The following CALHM5 variants were observed in gnomAD, a reference collection of about 807,000 sequenced individuals.
CALHM5 encodes the protein calcium homeostasis modulator protein 5.
A neutral mutation model predicts 20.9 loss-of-function variants in CALHM5; 17 were observed. That is an observed-to-expected ratio of 0.82 (90% confidence interval 0.56 to 1.22). CALHM5 has a LOEUF of 1.22. Ranked by LOEUF, CALHM5 falls within the 50% of genes most tolerant of loss-of-function variation. CALHM5 has a pLI of 0.00. For missense variants in CALHM5, 360 were observed against 364.6 expected (o/e 0.99, Z 0.10); for synonymous variants, 148 against 140.0 (o/e 1.06, Z -0.40).
At position 116,521,830 on chromosome 6, in the gene CALHM5, C is replaced by G. The variant is rs1452786432; in HGVS notation, c.*5841C>G. On this transcript the variant is annotated 3_prime_UTR_variant, in exon 2 of 2. Transcript: ENST00000368599. The stretch of plus-strand genomic sequence containing the variant: ...TAGTCGTGTTATCCTCACTTTGAAT[C>G]TGACCTTATGAACCAATAAAATATG... 6.6e-6 allele frequency: 1 copy of G among 152,202 alleles called. No homozygotes were observed. The highest frequency in any genetic ancestry group is 1.5e-5 in the Non-Finnish European group (1 of 68,050). 9.4% of individuals were successfully genotyped at this position (152,202 alleles called of 1,614,324 possible). A position where few individuals can be genotyped will look rare whatever the true frequency, so the allele number is the denominator to read the frequency against.
rs1693610242 is a variant in CALHM5 at position 116,523,353 on chromosome 6, G to A, written c.*7364G>A. On this transcript the variant is annotated 3_prime_UTR_variant, in exon 2 of 2. Coordinates refer to ENST00000368599, the MANE Select transcript of CALHM5 (RefSeq NM_153711.5). ...TTTCTTGTAAACTCTATTTGTAGGT[G>A]TTTTCTTTGTTCCTGTTGTAAATGG... 1.3e-5 allele frequency: 2 copies of A among 152,094 alleles called. No homozygotes were observed. Among genetic ancestry groups the A allele is most frequent in the African/African-American group, 4.8e-5 (2 of 41,418 alleles). The allele number at this position is 152,094 out of a possible 1,614,324, so 9.4% of individuals were successfully genotyped here.
At position 116,515,546 on chromosome 6, in the gene CALHM5, C is replaced by T. The variant is rs945016803; in HGVS notation, c.541-54C>T. 3 of 1,524,558 alleles carry T rather than the reference C, an allele frequency of 2.0e-6. No homozygotes were observed. In the African/African-American group the frequency reaches 4.2e-5, roughly 21 times the overall value. 94.4% of individuals were successfully genotyped at this position (1,524,558 alleles called of 1,614,324 possible). Reference sequence around the variant, plus strand: ...TATACACTTCTCAATAATACCCCAGCTCCCTAAATGGCTTTGCTTTCACGT... The same window carrying T: ...TATACACTTCTCAATAATACCCCAGTTCCCTAAATGGCTTTGCTTTCACGT... On this transcript the variant is annotated intron_variant, in intron 1 of 1. Transcript: ENST00000368599.
At position 116,522,765 on chromosome 6, in the gene CALHM5, A is replaced by G. The variant is rs1772368861; in HGVS notation, c.*6776A>G. 1 of 152,192 alleles carries G rather than the reference A, an allele frequency of 6.6e-6. No homozygotes were observed. Among genetic ancestry groups the G allele is most frequent in the African/African-American group, 2.4e-5 (1 of 41,444 alleles). The allele number at this position is 152,192 out of a possible 1,614,324, so 9.4% of individuals were successfully genotyped here. A position where few individuals can be genotyped will look rare whatever the true frequency, so the allele number is the denominator to read the frequency against. ...TAAGCTGGAAAGAGATTGTTCTTCT[A>G]GTCGTCTCTCAAAATGTTATCTTCA... On this transcript the variant is annotated 3_prime_UTR_variant, in exon 2 of 2. Transcript: ENST00000368599.
In CALHM5 at chr6:116,521,999, TAGCCAG is replaced by T. The variant is rs1772352517; in HGVS notation, c.*6011_*6016del. The T allele has an allele frequency of 6.6e-6, 1 of 151,668 alleles. No homozygotes were observed. The highest frequency in any genetic ancestry group is 2.4e-5 in the African/African-American group (1 of 41,244). 9.4% of individuals were successfully genotyped at this position (151,668 alleles called of 1,614,324 possible). A position where few individuals can be genotyped will look rare whatever the true frequency, so the allele number is the denominator to read the frequency against. On this transcript the variant is annotated 3_prime_UTR_variant, in exon 2 of 2. Transcript: ENST00000368599. Reference sequence around the variant, plus strand: ...TACCAAGCTCTGAAGAGGCCCAAGCTAGCCAGTGGGAGGAGAGAGAGAGAGATAAAA... The same window carrying T: ...TACCAAGCTCTGAAGAGGCCCAAGCTTGGGAGGAGAGAGAGAGAGATAAAA...
rs1772374328 is a variant in CALHM5, at chr6:116,523,024, G to A, written c.*7035G>A. On this transcript the variant is annotated 3_prime_UTR_variant, in exon 2 of 2. Transcript: ENST00000368599. ...CACCCCCAGGGTGTCTGATTCAGTA[G>A]GTCTGGGGTGAGGCAAGATAATCTG... is the stretch of plus-strand genomic sequence containing the variant. 8.1e-6 allele frequency: 1 copy of A among 123,992 alleles called. No individual in the cohort carries two copies. The highest frequency in any genetic ancestry group is 3.0e-5 in the African/African-American group (1 of 33,724). 7.7% of individuals were successfully genotyped at this position (123,992 alleles called of 1,614,324 possible).
In CALHM5 at chr6:116,511,681, T is replaced by G. The variant is rs1364795237; in HGVS notation, c.-16T>G. ...AATAACAAAGGCACAGCATTTTCCC[T>G]CTGTGCATCTCCAACATGGATGCTT... On this transcript the variant is annotated 5_prime_UTR_variant, in exon 1 of 2. Coordinates refer to ENST00000368599, the MANE Select transcript of CALHM5 (RefSeq NM_153711.5). 2 of 1,608,444 alleles carry G rather than the reference T, an allele frequency of 1.2e-6. No homozygotes were observed. The highest frequency in any genetic ancestry group is 3.4e-5 in the Admixed American group (2 of 59,288).
At position 116,523,736 on chromosome 6, in the gene CALHM5, C is replaced by T. The variant is rs927955292; in HGVS notation, c.*7747C>T. On this transcript the variant is annotated 3_prime_UTR_variant, in exon 2 of 2. Coordinates refer to ENST00000368599, the MANE Select transcript of CALHM5 (RefSeq NM_153711.5). ...TGTTTCCTAAGAAGCTAAACCTAAT[C>T]AAGTATTTAGACATTACTGCTAGTT... The T allele has an allele frequency of 6.6e-6, 1 of 152,104 alleles. No homozygotes were observed. The highest frequency in any genetic ancestry group is 6.5e-5 in the Admixed American group (1 of 15,270). The allele number at this position is 152,104 out of a possible 1,614,324, so 9.4% of individuals were successfully genotyped here.
rs1185515633 is a variant in CALHM5 at position 116,522,336 on chromosome 6, G to A, written c.*6347G>A. The A allele has an allele frequency of 1.3e-5, 2 of 152,228 alleles. No homozygotes were observed. Among genetic ancestry groups the A allele is most frequent in the Non-Finnish European group, 2.9e-5 (2 of 68,038 alleles). The allele number at this position is 152,228 out of a possible 1,614,324, so 9.4% of individuals were successfully genotyped here. A position where few individuals can be genotyped will look rare whatever the true frequency, so the allele number is the denominator to read the frequency against. On this transcript the variant is annotated 3_prime_UTR_variant, in exon 2 of 2. Coordinates refer to ENST00000368599, the MANE Select transcript of CALHM5 (RefSeq NM_153711.5). ...AAATCATGAGCTTAAATAAATGTTT[G>A]TGGCTTTAAGCCACTGAATTTTGGG...
intron 1 of CALHM5, 173 bp downstream of exon 1, chr6:116,512,409 G>A (rs900418239): frequency 6.9e-6 from 5 of 724,066 alleles, no homozygotes; most frequent in African/African-American, 5.3e-5. Flanking sequence ...AAGGCTGGGT[G>A]GCTCAATAAA....
chr6:116,515,179 A>G (rs901064314), intron 1 of CALHM5, among the ~76,000 whole-genome samples: 8 of 152,162 alleles, frequency 5.3e-5, no homozygotes, highest in Non-Finnish European at 7.4e-5. Flanking sequence ...CTAGCCATGT[A>G]TATACATTTA....
chr6:116,512,212 A>G lies in CALHM5; in HGVS notation c.516A>G (p.Lys172=). The G allele has an allele frequency of 2.5e-6, 4 of 1,596,970 alleles. No individual in the cohort carries two copies. The South Asian group carries it at 3.3e-5, about 13-fold the overall frequency. ...SMLPTVNEEL[K]LSLQAQSQIL... ...TACCTACCGTCAATGAAGAACTGAA[A>G]CTCTCCCTTCAGGCCCAGTCTCAGG... The change falls in exon 1 of 2, where the codon AAA becomes AAG. Residue 172 remains lysine (K), a synonymous_variant. Coordinates refer to ENST00000368599, the MANE Select transcript of CALHM5 (RefSeq NM_153711.5).
Position 116,515,894 on chromosome 6 carries a change from A to G in CALHM5, c.835A>G (p.Ser279Gly), listed in dbSNP as rs1310274433. The change falls in exon 2 of 2, where the codon AGC becomes GGC. Residue 279 changes from serine (S) to glycine (G), a missense_variant. Ser to Gly is a moderately conservative substitution (Grantham distance 56). Transcript: ENST00000368599. ...HSFHQSQQHYSTLHRVVDNGL... is the reference protein window; with the variant it reads ...HSFHQSQQHYGTLHRVVDNGL... ...TTTCCACCAAAGCCAGCAACACTAT[A>G]GCACCCTCCACAGAGTGGTGGACAA... The G allele has an allele frequency of 1.2e-6, 2 of 1,613,942 alleles. No homozygotes were observed. The highest frequency in any genetic ancestry group is 2.2e-5 in the South Asian group (2 of 91,068).
rs541367046 is a variant in CALHM5 at position 116,524,315 on chromosome 6, A to G, written c.*8326A>G. On this transcript the variant is annotated 3_prime_UTR_variant, in exon 2 of 2. Coordinates refer to ENST00000368599, the MANE Select transcript of CALHM5 (RefSeq NM_153711.5). ...GTTTGAAAAATTTCATAAGGTACAC[A>G]ACAAAATAAATGACATGGTCACCTC... 6.6e-6 allele frequency: 1 copy of G among 152,332 alleles called. No individual in the cohort carries two copies. Among genetic ancestry groups the G allele is most frequent in the African/African-American group, 2.4e-5 (1 of 41,574 alleles). The allele number at this position is 152,332 out of a possible 1,614,324, so 9.4% of individuals were successfully genotyped here.
At chr6:116,513,749 G>A (rs1312867053) in intron 1 of CALHM5, among the ~76,000 whole-genome samples, 6 of 152,230 alleles carry the variant, frequency 3.9e-5, no homozygotes, top group African/African-American at 9.6e-5. Flanking sequence ...GCCTGGAGGC[G>A]GAAAAGAACA....
chr6:116,520,910 G>T lies in CALHM5; in HGVS notation c.*4921G>T, dbSNP rs906117787. 1 of 151,596 alleles carries T rather than the reference G, an allele frequency of 6.6e-6. No homozygotes were observed. 9.4% of individuals were successfully genotyped at this position (151,596 alleles called of 1,614,324 possible). On this transcript the variant is annotated 3_prime_UTR_variant, in exon 2 of 2. Transcript: ENST00000368599. ...GATGAACTTTCAGAAGTTTTACAGT[G>T]AGCATTTTTTTTTTTATGAATTTAA...
Position 116,516,034 on chromosome 6 carries a change from T to G in CALHM5, c.*45T>G, listed in dbSNP as rs1287944114. The G allele has an allele frequency of 1.3e-6, 2 of 1,530,968 alleles. No individual in the cohort carries two copies. The highest frequency in any genetic ancestry group is 1.8e-6 in the Non-Finnish European group (2 of 1,138,446). 94.8% of individuals were successfully genotyped at this position (1,530,968 alleles called of 1,614,324 possible). ...TCATGGTGTTGAGTGGCATGCTCAT[T>G]CTGTGATCCTCCTAACGTATCACCA... On this transcript the variant is annotated 3_prime_UTR_variant, in exon 2 of 2. Transcript: ENST00000368599.
At position 116,517,236 on chromosome 6, in the gene CALHM5, T is replaced by C. The variant is rs150587935; in HGVS notation, c.*1247T>C. Reference sequence around the variant, plus strand: ...TATGAAATTGGGGGAGACACAAACATTCAGACTATAGTAGGGTAAATTGAC... The same window carrying C: ...TATGAAATTGGGGGAGACACAAACACTCAGACTATAGTAGGGTAAATTGAC... On this transcript the variant is annotated 3_prime_UTR_variant, in exon 2 of 2. Transcript: ENST00000368599. The C allele has an allele frequency of 3.3e-5, 5 of 152,218 alleles. No individual in the cohort carries two copies. The highest frequency in any genetic ancestry group is 7.2e-5 in the African/African-American group (3 of 41,538). 9.4% of individuals were successfully genotyped at this position (152,218 alleles called of 1,614,324 possible).
chr6:116,513,715 C>T (rs917789146), intron 1 of CALHM5, among the ~76,000 whole-genome samples: 3 of 152,152 alleles, frequency 2.0e-5, no homozygotes, highest in African/African-American at 7.2e-5. Flanking sequence ...GCATATAGTC[C>T]AGACCAACAA....
intron 1 of CALHM5, among the ~76,000 whole-genome samples, chr6:116,513,921 T>C (rs6919880): frequency 0.013 from 2,036 of 152,296 alleles, 50 homozygotes; most frequent in African/African-American, 0.046. Context: ...GAACTAGTGG[T>C]TCGACCTCTT....
Sources: allele counts gnomAD v4.1 joint callset (sites outside exome capture counted in the v4.1 genomes callset), GRCh38; gene constraint gnomAD v4.1.1; transcripts MANE v1.5; gene names NCBI Gene and HGNC (gene_info 2026-07-23, HGNC 2026-07-21).